PTPN21: variants seen among roughly 807,000 people sequenced by gnomAD.
The protein encoded by PTPN21 is protein tyrosine phosphatase non-receptor type 21, also known as tyrosine-protein phosphatase non-receptor type 21.
PTPN21 carries 77 observed loss-of-function variants against 131.8 expected under a neutral mutation model. That is an observed-to-expected ratio of 0.58 (90% CI 0.49 to 0.71). PTPN21 has a LOEUF of 0.71. Ranked by LOEUF, PTPN21 falls within the 30% of genes least tolerant of loss-of-function variation. The pLI is 0.00. For synonymous variants in PTPN21, 715 were observed against 621.3 expected (o/e 1.15, Z -2.24); for missense variants, 1,552 against 1,527.1 (o/e 1.02, Z -0.27).
intron 10 of PTPN21, among the ~76,000 whole-genome samples, chr14:88,489,883 T>C (rs2077797331): frequency 6.6e-6 from 1 of 151,826 alleles, no homozygotes; most frequent in Non-Finnish European, 1.5e-5. Context: ...CCGCCTTAGG[T>C]GTAGCTTCCT....
rs760164857 is a variant in PTPN21 at position 88,500,841 on chromosome 14, C to T, written c.706G>A (p.Ala236Thr). ...DSQGSDISIG[A>T]CLEGIFVKHK... Reference sequence around the variant, plus strand: ...TTCACAAAGATACCTTCAAGACACGCTCCAATGGATATGTCACTTCCTTGG... The same window carrying T: ...TTCACAAAGATACCTTCAAGACACGTTCCAATGGATATGTCACTTCCTTGG... Residue 236 changes from alanine (A) to threonine (T), a missense_variant, in exon 8 of 19, where the codon GCG becomes ACG. Ala to Thr is a moderately conservative substitution (Grantham distance 58). Around this residue, in one of 4 missense-constraint regions of PTPN21, gnomAD observed 1,016 missense variants for 883.5 expected, o/e 1.15. Transcript: ENST00000556564. 3.7e-6 allele frequency: 6 copies of T among 1,613,868 alleles called. No homozygotes were observed. In the East Asian group the frequency reaches 1.3e-4, roughly 36 times the overall value.
At chr14:88,490,284 C>T (rs1183673146) in intron 10 of PTPN21, among the ~76,000 whole-genome samples, 3 of 152,126 alleles carry the variant, frequency 2.0e-5, no homozygotes, top group Non-Finnish European at 4.4e-5. Context: ...GCTGGGATTA[C>T]AGGCATGAGC....
intron 13 of PTPN21, among the ~76,000 whole-genome samples, chr14:88,476,786 G>C (rs2077553417): frequency 6.6e-6 from 1 of 152,120 alleles, no homozygotes; most frequent in Non-Finnish European, 1.5e-5. Context: ...CATTCCTTAA[G>C]TAGAATCCTT....
At chr14:88,529,983 G>GAAAAAAAAAAAA (rs1211946748) in intron 2 of PTPN21, among the ~76,000 whole-genome samples, 1 of 124,206 alleles carries the variant, frequency 8.1e-6, no homozygotes. Flanking sequence ...ACCATCTCAA[G>GAAAAAAAAAAAA]AAAAAAAAAA....
chr14:88,472,598 G>C, intron 14 of PTPN21, 133 bp from the exon 15 acceptor site: 1 of 637,502 alleles, frequency 1.6e-6, no homozygotes, highest in Non-Finnish European at 2.7e-6. Context: ...GGTTGGGCAC[G>C]GTGTCTCATG....
chr14:88,543,320 A>G (rs1353257068), intron 2 of PTPN21, among the ~76,000 whole-genome samples: 1 of 152,184 alleles, frequency 6.6e-6, no homozygotes, highest in Admixed American at 6.5e-5. Flanking sequence ...TTGACACAGC[A>G]ATCTTACATC....
intron 1 of PTPN21, among the ~76,000 whole-genome samples, chr14:88,553,912 A>G (rs2078895022): frequency 6.6e-6 from 1 of 152,188 alleles, no homozygotes; most frequent in Non-Finnish European, 1.5e-5. Flanking sequence ...CTATAGCTAT[A>G]GCATTAAACC....
intron 2 of PTPN21, among the ~76,000 whole-genome samples, chr14:88,519,270 A>C (rs949658523): frequency 6.6e-6 from 1 of 152,324 alleles, no homozygotes; most frequent in Admixed American, 6.5e-5. Flanking sequence ...TTGGAAAATC[A>C]CTGCTTTGTA....
Position 88,479,206 on chromosome 14 carries a change from T to A in PTPN21, c.2225A>T (p.Asp742Val), listed in dbSNP as rs540710838. ...CAGGACGCGAGGGCAGCCAGGTGGG[T>A]CCTGGGCCAGGCCGGGCCGAGGCTC... is the stretch of plus-strand genomic sequence containing the variant. ...AREPRPGLAQ[D>V]PPGCPRVLLA... Residue 742 changes from aspartate to valine, a missense_variant, in exon 13 of 19, where the codon GAC becomes GTC. By Grantham distance (152) the Asp-to-Val change is radical (BLOSUM62 -3). Transcript: ENST00000556564. 8.2e-6 allele frequency: 13 copies of A among 1,592,758 alleles called. No homozygotes were observed. The South Asian group carries it at 1.4e-4, about 17-fold the overall frequency.
chr14:88,549,765 ATT>A (rs757588861), intron 2 of PTPN21, among the ~76,000 whole-genome samples: 7 of 134,470 alleles, frequency 5.2e-5, no homozygotes, highest in Admixed American at 7.4e-5. Context: ...CGCCCAGCCA[ATT>A]TTTTTTTTTT....
At chr14:88,551,095 A>C (rs963624187) in intron 1 of PTPN21, 4 of 152,234 alleles carry the variant, frequency 2.6e-5, no homozygotes, top group African/African-American at 7.2e-5. Flanking sequence ...AATGGGAGGA[A>C]TAATCCCCAC....
Position 88,466,973 on chromosome 14 carries a change from T to C in PTPN21, c.*1164A>G, listed in dbSNP as rs1309868197. The C allele has an allele frequency of 1.3e-5, 2 of 152,300 alleles. No homozygotes were observed. The highest frequency in any genetic ancestry group is 1.9e-4 in the East Asian group (1 of 5,182). 9.4% of individuals were successfully genotyped at this position (152,300 alleles called of 1,614,324 possible). On this transcript the variant is annotated 3_prime_UTR_variant, in exon 19 of 19. Transcript: ENST00000556564. ...ATTTATGAAAAAGAAACAATACAGGTTGAGGTGGGAAAAGCCCCAAGGAAA... is the reference window on the plus strand; with the variant it reads ...ATTTATGAAAAAGAAACAATACAGGCTGAGGTGGGAAAAGCCCCAAGGAAA...
At position 88,480,366 on chromosome 14, in the gene PTPN21, G is replaced by A. The variant is rs768035650; in HGVS notation, c.1079-14C>T. On this transcript the variant is annotated splice_polypyrimidine_tract_variant and intron_variant, in intron 12 of 18. Coordinates refer to ENST00000556564, the MANE Select transcript of PTPN21 (RefSeq NM_007039.4). ...CAAAGAGGTTATCTAGAAAAAATGA[G>A]TTCAAAATGAGATTTTTTTAAATGG... 2 of 1,578,466 alleles carry A rather than the reference G, an allele frequency of 1.3e-6. No individual in the cohort carries two copies. Among genetic ancestry groups the A allele is most frequent in the African/African-American group, 1.3e-5 (1 of 74,078 alleles).
In PTPN21 at chr14:88,550,525, T is replaced by G. The variant is rs890043020; in HGVS notation, c.-108A>C. On this transcript the variant is annotated 5_prime_UTR_variant, in exon 2 of 19. Transcript: ENST00000556564. ...GATCCTCTCCGGATGGGACGAACACTGTCCGGCCTCCAGCTGCTCACCCAG... is the reference window on the plus strand; with the variant it reads ...GATCCTCTCCGGATGGGACGAACACGGTCCGGCCTCCAGCTGCTCACCCAG... 1.9e-6 allele frequency: 2 copies of G among 1,075,966 alleles called. No homozygotes were observed. Among genetic ancestry groups the G allele is most frequent in the Non-Finnish European group, 2.6e-6 (2 of 759,826 alleles). 66.7% of individuals were successfully genotyped at this position (1,075,966 alleles called of 1,614,324 possible).
intron 2 of PTPN21, among the ~76,000 whole-genome samples, chr14:88,538,489 G>A (rs563558742): frequency 3.3e-5 from 5 of 152,278 alleles, no homozygotes; most frequent in East Asian, 3.9e-4. Context: ...AGTGTCTTGC[G>A]GGCCTAATGA....
chr14:88,536,549 T>G (rs1026981518), intron 2 of PTPN21, among the ~76,000 whole-genome samples: 12 of 152,160 alleles, frequency 7.9e-5, no homozygotes, highest in African/African-American at 2.4e-4. Flanking sequence ...CAAATCATAG[T>G]CCCCTAAGGA....
At position 88,503,052 on chromosome 14, in the gene PTPN21, TC is replaced by T. The variant is rs1275468577; in HGVS notation, c.587+1372del. ...ACACGTAGAGGTAACTAAATCTTTT[TC>T]TTTTTTTTTTTTTTGCTCTGTCACC... is the stretch of plus-strand genomic sequence containing the variant. On this transcript the variant is annotated intron_variant, in intron 6 of 18. Coordinates refer to ENST00000556564, the MANE Select transcript of PTPN21 (RefSeq NM_007039.4). Among the ~76,000 whole-genome samples, 102 of 147,742 alleles carry T rather than the reference TC, an allele frequency of 6.9e-4. 2 individuals carry two copies. Among genetic ancestry groups the T allele is most frequent in the African/African-American group, 2.6e-3 (98 of 37,904 alleles).
chr14:88,533,456 T>C lies in PTPN21; in HGVS notation c.181-16195A>G, dbSNP rs900396902. ...GATGCTGGTATAAACAAACCTATCG[T>C]GCTACCAATTGCACAAAAGCACAGC... On this transcript the variant is annotated intron_variant, in intron 2 of 18. Transcript: ENST00000556564. Among the ~76,000 whole-genome samples, 3 of 152,218 alleles carry C rather than the reference T, an allele frequency of 2.0e-5. No individual in the cohort carries two copies. The East Asian group carries it at 5.8e-4, about 29-fold the overall frequency.
In PTPN21 at chr14:88,480,237, G is replaced by T. The variant is rs764513983; in HGVS notation, c.1194C>A (p.His398Gln). The change falls in exon 13 of 19, where the codon CAC becomes CAA. Residue 398 changes from histidine to glutamine, a missense_variant. Around this residue, in one of 4 missense-constraint regions of PTPN21, gnomAD observed 1,016 missense variants for 883.5 expected, o/e 1.15. Coordinates refer to ENST00000556564, the MANE Select transcript of PTPN21 (RefSeq NM_007039.4). ...GAGGATTATTTAAGGAGTTGGTGCT[G>T]TGTGCACTGTAGACACTGCCATTAC... ...RIRNGSVYSA[H>Q]STNSLNNPQP... The T allele has an allele frequency of 2.5e-6, 4 of 1,614,124 alleles. No individual in the cohort carries two copies. Among genetic ancestry groups the T allele is most frequent in the Non-Finnish European group, 3.4e-6 (4 of 1,179,934 alleles).
Sources: gnomAD v4.1 joint callset for allele counts (sites outside exome capture counted in the v4.1 genomes callset) on GRCh38, gnomAD v4.1.1 for gene constraint, gnomAD v4.1.1 regional missense constraint, MANE v1.5 for transcripts, NCBI Gene and HGNC (gene_info 2026-07-23, HGNC 2026-07-21) for gene names.